RBFOX3: variants seen among roughly 807,000 people sequenced by gnomAD.
RBFOX3 encodes the protein RNA binding protein fox-1 homolog 3.
In RBFOX3, 17 loss-of-function variants were observed where a neutral mutation model predicts 48.7. That is an observed-to-expected ratio of 0.35 (90% confidence interval 0.24 to 0.52). The LOEUF is 0.52. Among genes scored for constraint, RBFOX3 ranks in the 20% least tolerant of loss-of-function variants. RBFOX3 has a pLI of 0.94. For synonymous variants in RBFOX3, 212 were observed against 209.5 expected (o/e 1.01, Z -0.10); for missense variants, 382 against 497.5 (o/e 0.77, Z 2.21).
intron 5 of RBFOX3, among the ~76,000 whole-genome samples, chr17:79,112,657 T>C (rs940173179): frequency 1.6e-4 from 25 of 151,984 alleles, no homozygotes; most frequent in South Asian, 6.2e-4. Flanking sequence ...CCCTGCCGTC[T>C]AGGGGCCGGC....
intron 2 of RBFOX3, among the ~76,000 whole-genome samples, chr17:79,322,335 G>A (rs191130080): frequency 1.4e-3 from 206 of 152,322 alleles, no homozygotes; most frequent in African/African-American, 4.5e-3. Context: ...TACGCACTCC[G>A]AACTGGAATG....
At chr17:79,211,899 G>A (rs1294025502) in intron 4 of RBFOX3, among the ~76,000 whole-genome samples, 1 of 152,160 alleles carries the variant, frequency 6.6e-6, no homozygotes, top group African/African-American at 2.4e-5. Context: ...CCTGGGTTGT[G>A]CCAGGCTGAC....
intron 4 of RBFOX3, among the ~76,000 whole-genome samples, chr17:79,186,744 C>G (rs1303344138): frequency 1.3e-5 from 2 of 152,248 alleles, no homozygotes; most frequent in Non-Finnish European, 2.9e-5. Flanking sequence ...GTTAGGCAGG[C>G]AGGAACTGAG....
chr17:79,132,696 G>C (rs2143442564), intron 4 of RBFOX3: 1 of 152,362 alleles, frequency 6.6e-6, no homozygotes, highest in African/African-American at 2.4e-5. Flanking sequence ...CTGGCTTCCA[G>C]CTGCTGCTCA....
chr17:79,294,725 G>A (rs965607277), intron 3 of RBFOX3, among the ~76,000 whole-genome samples: 1 of 152,178 alleles, frequency 6.6e-6, no homozygotes, highest in Non-Finnish European at 1.5e-5. Flanking sequence ...CCGGACTGGG[G>A]GCCACGTGGA....
chr17:79,350,321 T>C (rs536475537), intron 2 of RBFOX3, among the ~76,000 whole-genome samples: 1 of 152,308 alleles, frequency 6.6e-6, no homozygotes, highest in African/African-American at 2.4e-5. Context: ...TCTCCAACTC[T>C]TCCCTGGTCA....
the RBFOX3 span, among the ~76,000 whole-genome samples, chr17:79,658,221 T>C: frequency 6.6e-6 from 1 of 151,938 alleles, no homozygotes; most frequent in Non-Finnish European, 1.5e-5. Context: ...TGTTCCCCAT[T>C]TCCTAATTTA....
At chr17:79,110,448 C>T (rs761783882) in intron 5 of RBFOX3, among the ~76,000 whole-genome samples, 3 of 152,218 alleles carry the variant, frequency 2.0e-5, no homozygotes. Context: ...CCTAGGCAGA[C>T]CCTGGACAGC....
chr17:79,302,708 T>C (rs2075509855), intron 3 of RBFOX3, among the ~76,000 whole-genome samples: 1 of 152,150 alleles, frequency 6.6e-6, no homozygotes, highest in Non-Finnish European at 1.5e-5. Flanking sequence ...AGTGAATGAA[T>C]GAATGATACC....
chr17:79,462,317 G>C (rs2075477313), intron 2 of RBFOX3, among the ~76,000 whole-genome samples: 2 of 152,188 alleles, frequency 1.3e-5, no homozygotes, highest in Admixed American at 1.3e-4. Flanking sequence ...GTGTGACCTT[G>C]GGCAAGTTCT....
At chr17:79,552,753 TGTTAA>T (rs1253697957) in intron 1 of RBFOX3, among the ~76,000 whole-genome samples, 1 of 152,248 alleles carries the variant, frequency 6.6e-6, no homozygotes, top group Non-Finnish European at 1.5e-5. Context: ...GCACATTTCT[TGTTAA>T]GTTTATTCCT....
rs1172422453 is a variant in RBFOX3, at chr17:79,115,716, C to T, written c.-1G>A. 14 of 857,144 alleles carry T rather than the reference C, an allele frequency of 1.6e-5. No homozygotes were observed. Among genetic ancestry groups the T allele is most frequent in the African/African-American group, 8.5e-5 (5 of 58,794 alleles). The allele number at this position is 857,144 out of a possible 1,614,324, so 53.1% of individuals were successfully genotyped here. A position where few individuals can be genotyped will look rare whatever the true frequency, so the allele number is the denominator to read the frequency against. On this transcript the variant is annotated 5_prime_UTR_variant, in exon 5 of 15. Coordinates refer to ENST00000693108, the MANE Select transcript of RBFOX3 (RefSeq NM_001350451.2). ...GGGCGGGGGGGTAGGGCTGGGCCAT[C>T]GCTTCAGGCGGAGCCGTGGCGTCCT...
chr17:79,315,875 G>A (rs1199284395), intron 2 of RBFOX3, among the ~76,000 whole-genome samples: 1 of 152,048 alleles, frequency 6.6e-6, no homozygotes, highest in Non-Finnish European at 1.5e-5. Context: ...GCTGGGGAGA[G>A]GCCTCCCGAG....
At position 79,111,919 on chromosome 17, in the gene RBFOX3, T is replaced by G. The variant is rs1354833933; in HGVS notation, c.222+3575A>C. Among the ~76,000 whole-genome samples the G allele has an allele frequency of 6.6e-6, 1 of 152,212 alleles. No homozygotes were observed. Among genetic ancestry groups the G allele is most frequent in the Non-Finnish European group, 1.5e-5 (1 of 68,042 alleles). ...GTCCTTCCGCAGCCCCTCATCGCAC[T>G]CTGTACCCTTTGCTGCTTTTGTCCA... On this transcript the variant is annotated intron_variant, in intron 5 of 14. Coordinates refer to ENST00000693108, the MANE Select transcript of RBFOX3 (RefSeq NM_001350451.2). This position sits in a 1 kb window ranked among gnomAD's most constrained non-coding sequence, Gnocchi z 4.2.
chr17:79,226,848 G>A (rs1305894725), intron 4 of RBFOX3, among the ~76,000 whole-genome samples: 3 of 152,198 alleles, frequency 2.0e-5, no homozygotes, highest in Admixed American at 2.0e-4. Context: ...GAAAGAGGGA[G>A]CGTGAGGCTG....
At chr17:79,485,138 T>C (rs2079371860) in intron 1 of RBFOX3, among the ~76,000 whole-genome samples, 1 of 152,094 alleles carries the variant, frequency 6.6e-6, no homozygotes, top group African/African-American at 2.4e-5. Context: ...GAGGAGAGCC[T>C]GGGGAGAGGC....
chr17:79,262,246 T>TC (rs937727059), intron 3 of RBFOX3, among the ~76,000 whole-genome samples: 4 of 151,900 alleles, frequency 2.6e-5, no homozygotes, highest in African/African-American at 9.7e-5. Flanking sequence ...CCATGGAGGC[T>TC]CCCACAAGCC....
chr17:79,090,834 T>C lies in RBFOX3; in HGVS notation c.*49A>G. On this transcript the variant is annotated 3_prime_UTR_variant, in exon 15 of 15. Coordinates refer to ENST00000693108, the MANE Select transcript of RBFOX3 (RefSeq NM_001350451.2). ...TTTTTTTGTTTTGTGATTTTTTTTG[T>C]TTTTTTGTTTTTGCCCTTCATGGTC... 2.0e-6 allele frequency: 3 copies of C among 1,503,130 alleles called. No individual in the cohort carries two copies. The highest frequency in any genetic ancestry group is 2.7e-6 in the Non-Finnish European group (3 of 1,127,924). The allele number at this position is 1,503,130 out of a possible 1,614,324, so 93.1% of individuals were successfully genotyped here.
chr17:79,258,257 C>A (rs1037128774), intron 3 of RBFOX3, among the ~76,000 whole-genome samples: 2 of 152,240 alleles, frequency 1.3e-5, no homozygotes, highest in Non-Finnish European at 2.9e-5. Flanking sequence ...ACCACACTGA[C>A]AGGCAGTCGC....
Sources: allele counts gnomAD v4.1 joint callset (sites outside exome capture counted in the v4.1 genomes callset), GRCh38; gene constraint gnomAD v4.1.1; non-coding constraint Gnocchi (gnomAD v3.1); transcripts MANE v1.5; gene names NCBI Gene and HGNC (gene_info 2026-07-23, HGNC 2026-07-21).